PLCL1: variants seen among roughly 807,000 people sequenced by gnomAD.
The protein encoded by PLCL1 is phospholipase C like 1 (inactive).
In PLCL1, 41 loss-of-function variants were observed where a neutral mutation model predicts 84.4. The observed-to-expected ratio is 0.49, with a 90% CI of 0.38 to 0.63. The LOEUF is 0.63. Among genes scored for constraint, PLCL1 ranks in the 30% least tolerant of loss-of-function variants. The pLI is 0.00. For synonymous variants in PLCL1, 490 were observed against 488.3 expected, an observed-to-expected ratio of 1.00 and a Z score of -0.05; for missense variants, 1,206 against 1,367.8, an observed-to-expected ratio of 0.88 and a Z score of 1.87.
intron 1 of PLCL1, among the ~76,000 whole-genome samples, chr2:197,860,247 T>A (rs907470218): frequency 3.3e-5 from 5 of 152,210 alleles, no homozygotes; most frequent in African/African-American, 4.8e-5. Flanking sequence ...TTGGTGGATA[T>A]GTACCACATT....
At chr2:198,079,854 A>G (rs1384831276) in intron 1 of PLCL1, among the ~76,000 whole-genome samples, 2 of 152,242 alleles carry the variant, frequency 1.3e-5, no homozygotes, top group Non-Finnish European at 2.9e-5. Flanking sequence ...TAATTATTGG[A>G]CTCAACTACA....
intron 1 of PLCL1, among the ~76,000 whole-genome samples, chr2:197,942,211 A>T (rs1009611424): frequency 1.3e-5 from 2 of 152,220 alleles, no homozygotes; most frequent in African/African-American, 4.8e-5. Flanking sequence ...CCCTGGTCAC[A>T]AAGCAAACCC....
intron 1 of PLCL1, among the ~76,000 whole-genome samples, chr2:197,811,475 T>C (rs1690584962): frequency 6.6e-6 from 1 of 152,184 alleles, no homozygotes; most frequent in Non-Finnish European, 1.5e-5. Flanking sequence ...AGCATTACTT[T>C]GAGAAAAGTA....
intron 1 of PLCL1, among the ~76,000 whole-genome samples, chr2:197,927,795 CTA>C (rs932686729): frequency 6.6e-6 from 1 of 152,076 alleles, no homozygotes; most frequent in African/African-American, 2.4e-5. Context: ...GTGTCAAAAT[CTA>C]TGTTTATTAT....
chr2:197,834,134 C>T (rs927446088), intron 1 of PLCL1, among the ~76,000 whole-genome samples: 7 of 152,116 alleles, frequency 4.6e-5, no homozygotes, highest in Non-Finnish European at 1.0e-4. Context: ...GAAACTGGAC[C>T]CCTTCCTTAA....
chr2:197,861,755 T>C (rs1042515841), intron 1 of PLCL1, among the ~76,000 whole-genome samples: 8 of 152,154 alleles, frequency 5.3e-5, no homozygotes, highest in African/African-American at 1.7e-4. Flanking sequence ...GCTTGCTTGG[T>C]GTATGGGGGG....
At chr2:197,907,974 G>C (rs911494988) in intron 1 of PLCL1, among the ~76,000 whole-genome samples, 1 of 152,172 alleles carries the variant, frequency 6.6e-6, no homozygotes, top group African/African-American at 2.4e-5. Flanking sequence ...TTGTACAAGA[G>C]GGTCATCTTT....
At chr2:197,817,967 A>G (rs962876411) in intron 1 of PLCL1, among the ~76,000 whole-genome samples, 10 of 152,026 alleles carry the variant, frequency 6.6e-5, no homozygotes, top group African/African-American at 2.4e-4. Flanking sequence ...CTTAGCAGTG[A>G]TCGTTGGACC....
At chr2:198,013,287 T>C (rs1286041501) in intron 1 of PLCL1, among the ~76,000 whole-genome samples, 1 of 152,126 alleles carries the variant, frequency 6.6e-6, no homozygotes, top group African/African-American at 2.4e-5. Context: ...TTTAATGTTA[T>C]CACTCCTGGT....
chr2:198,002,500 C>T (rs1057317718), intron 1 of PLCL1, among the ~76,000 whole-genome samples: 1 of 152,000 alleles, frequency 6.6e-6, no homozygotes, highest in African/African-American at 2.4e-5. Context: ...GTGGGATATA[C>T]AAAAATACAG....
chr2:197,815,843 G>A (rs180691768), intron 1 of PLCL1, among the ~76,000 whole-genome samples: 1 of 152,084 alleles, frequency 6.6e-6, no homozygotes, highest in South Asian at 2.1e-4. Context: ...TGACTGAATT[G>A]CTTCCATTTC....
intron 1 of PLCL1, among the ~76,000 whole-genome samples, chr2:197,963,697 G>A (rs1689668814): frequency 6.6e-6 from 1 of 151,862 alleles, no homozygotes; most frequent in Non-Finnish European, 1.5e-5. Flanking sequence ...AATGTTTTCT[G>A]GTAGTAGTTT....
chr2:198,079,721 C>G (rs1323216875), intron 1 of PLCL1, among the ~76,000 whole-genome samples: 1 of 151,878 alleles, frequency 6.6e-6, no homozygotes, highest in African/African-American at 2.4e-5. Context: ...CCATATAAAC[C>G]CAATTTTGTT....
intron 1 of PLCL1, among the ~76,000 whole-genome samples, chr2:197,825,848 G>T (rs754860325): frequency 6.6e-6 from 1 of 152,216 alleles, no homozygotes; most frequent in Non-Finnish European, 1.5e-5. Context: ...TATCCCACAA[G>T]TTTGCCATAA....
At chr2:197,864,483 CTTT>C (rs112456376) in intron 1 of PLCL1, among the ~76,000 whole-genome samples, 23 of 139,328 alleles carry the variant, frequency 1.7e-4, no homozygotes, top group Admixed American at 2.2e-4. Flanking sequence ...CAATAGCATT[CTTT>C]TTTTTTTTTT....
intron 1 of PLCL1, among the ~76,000 whole-genome samples, chr2:197,891,040 GTTT>G (rs1000591485): frequency 1.4e-5 from 2 of 143,460 alleles, no homozygotes; most frequent in Non-Finnish European, 3.1e-5. Flanking sequence ...TGCTTCAAAA[GTTT>G]TTTTTTTTTA....
chr2:198,062,313 A>C (rs550342406), intron 1 of PLCL1, among the ~76,000 whole-genome samples: 15 of 152,254 alleles, frequency 9.9e-5, no homozygotes, highest in Non-Finnish European at 1.8e-4. Context: ...AATTGTGATA[A>C]ATTTTTTCTT....
At chr2:198,091,065 A>T (rs1279794684) in intron 3 of PLCL1, among the ~76,000 whole-genome samples, 1 of 152,262 alleles carries the variant, frequency 6.6e-6, no homozygotes, top group Non-Finnish European at 1.5e-5. Flanking sequence ...AATACTTATA[A>T]TGAAGTCTTT....
intron 1 of PLCL1, among the ~76,000 whole-genome samples, chr2:197,833,305 T>G (rs1211162221): frequency 2.0e-5 from 3 of 152,146 alleles, no homozygotes; most frequent in Non-Finnish European, 4.4e-5. Flanking sequence ...ACCACTCCTA[T>G]TCAACATAGG....
Sources: allele counts gnomAD v4.1 joint callset (sites outside exome capture counted in the v4.1 genomes callset), GRCh38; gene constraint gnomAD v4.1.1; transcripts MANE v1.5; gene names NCBI Gene and HGNC (gene_info 2026-07-23, HGNC 2026-07-21).